NDC1: variants seen among roughly 807,000 people sequenced by gnomAD.
The protein encoded by NDC1 is NDC1 transmembrane nucleoporin.
In NDC1, 24 loss-of-function variants were observed where a neutral mutation model predicts 89.8. The observed-to-expected ratio is 0.27, with a 90% CI of 0.19 to 0.38. NDC1 has a LOEUF of 0.38. Among genes scored for constraint, NDC1 ranks in the 10% least tolerant of loss-of-function variants. The probability of loss-of-function intolerance (pLI) is 1.00; values close to 1 mark genes in which losing one functional copy is unlikely to be tolerated. For missense variants in NDC1, 728 were observed against 797.6 expected, an observed-to-expected ratio of 0.91 and a Z score of 1.05; for synonymous variants, 296 against 284.8, an observed-to-expected ratio of 1.04 and a Z score of -0.39.
At chr1:53,804,088 T>C (rs1012703225) in intron 9 of NDC1, 79 bp from the exon 10 acceptor site, 104 of 981,362 alleles carry the variant, frequency 1.1e-4, no homozygotes, top group Non-Finnish European at 1.4e-4. Flanking sequence ...TTCATCATTA[T>C]ATATCCAAGA....
At position 53,803,961 on chromosome 1, in the gene NDC1, G is replaced by C. The variant is rs1474985084; in HGVS notation, c.1033C>G (p.Arg345Gly). ...LMLLSQYSPS[R>G]RQEVFSLSQP... Reference sequence around the variant, plus strand: ...CTGAGGCTGAAAACTTCTTGTCTTCGTGAAGGAGAATATTGAGAAAGCAAC... The same window carrying C: ...CTGAGGCTGAAAACTTCTTGTCTTCCTGAAGGAGAATATTGAGAAAGCAAC... Residue 345 changes from arginine to glycine, a missense_variant, in exon 10 of 18, where the codon CGA becomes GGA. Arg to Gly is a moderately radical substitution (Grantham distance 125, BLOSUM62 -2). Transcript: ENST00000371429. 3 of 1,613,938 alleles carry C rather than the reference G, an allele frequency of 1.9e-6. No homozygotes were observed. The highest frequency in any genetic ancestry group is 1.1e-5 in the South Asian group (1 of 91,076).
At chr1:53,812,023 C>T (rs192553249) in intron 6 of NDC1, among the ~76,000 whole-genome samples, 2 of 152,110 alleles carry the variant, frequency 1.3e-5, no homozygotes, top group Non-Finnish European at 2.9e-5. Flanking sequence ...CACTGCAGTT[C>T]GGCTCACAGG....
chr1:53,810,273 A>G (rs1330634559), intron 6 of NDC1, among the ~76,000 whole-genome samples: 1 of 152,254 alleles, frequency 6.6e-6, no homozygotes, highest in African/African-American at 2.4e-5. Flanking sequence ...ACAGGAAAGT[A>G]GTGCTTGCTT....
At chr1:53,837,566 C>T (rs1362104576) in intron 1 of NDC1, among the ~76,000 whole-genome samples, 1 of 149,868 alleles carries the variant, frequency 6.7e-6, no homozygotes, top group East Asian at 1.9e-4. Flanking sequence ...AGCGAGCCTC[C>T]GGCTCAAAAA....
At position 53,796,674 on chromosome 1, in the gene NDC1, A is replaced by T. The variant is rs1397599873; in HGVS notation, c.1584+15T>A. On this transcript the variant is annotated intron_variant, in intron 13 of 17. Coordinates refer to ENST00000371429, the MANE Select transcript of NDC1 (RefSeq NM_018087.5). ...TTTACATGCAAATATAAATCCTATA[A>T]CCATATCATCCTACCTGTTCACGTT... 1.3e-6 allele frequency: 2 copies of T among 1,508,652 alleles called. No individual in the cohort carries two copies. The highest frequency in any genetic ancestry group is 3.9e-5 in the Admixed American group (2 of 51,742). The allele number at this position is 1,508,652 out of a possible 1,614,324, so 93.5% of individuals were successfully genotyped here. A position where few individuals can be genotyped will look rare whatever the true frequency, so the allele number is the denominator to read the frequency against.
intron 5 of NDC1, among the ~76,000 whole-genome samples, chr1:53,825,198 G>A (rs1017999118): frequency 2.0e-5 from 3 of 151,560 alleles, no homozygotes; most frequent in Admixed American, 6.6e-5. Context: ...AGCAGCGGCT[G>A]GGCGTGGTGG....
rs75616485 is a variant in NDC1, at chr1:53,829,603, T to A, written c.281-1430A>T. Among the ~76,000 whole-genome samples, 712 of 152,334 alleles carry A rather than the reference T, an allele frequency of 4.7e-3. 3 individuals are homozygous for A. The highest frequency in any genetic ancestry group is 0.016 in the African/African-American group (682 of 41,578). ...GATCTCTGGAGAAAGATGGGACCTATCATTTCTCTTTTCTCTCCACACAAT... is the reference window on the plus strand; with the variant it reads ...GATCTCTGGAGAAAGATGGGACCTAACATTTCTCTTTTCTCTCCACACAAT... On this transcript the variant is annotated intron_variant, in intron 3 of 17. Coordinates refer to ENST00000371429, the MANE Select transcript of NDC1 (RefSeq NM_018087.5).
chr1:53,797,087 G>A lies in NDC1; in HGVS notation c.1280C>T (p.Pro427Leu), dbSNP rs1213402668. 3 of 1,614,080 alleles carry A rather than the reference G, an allele frequency of 1.9e-6. No individual in the cohort carries two copies. Among genetic ancestry groups the A allele is most frequent in the Non-Finnish European group, 2.5e-6 (3 of 1,179,938 alleles). ...AGAAAACAGTGATGTTTTAACTAAT[G>A]GTGGCACTGAAGGCCGAGGCATCTG... is the stretch of plus-strand genomic sequence containing the variant. The part of the protein sequence containing the change: ...SSQMPRPSVP[P>L]LVKTSLFSSK... Residue 427 changes from proline (P) to leucine (L), a missense_variant, in exon 12 of 18, where the codon CCA becomes CTA. Pro to Leu is a moderately conservative substitution (Grantham distance 98, BLOSUM62 -3). Coordinates refer to ENST00000371429, the MANE Select transcript of NDC1 (RefSeq NM_018087.5).
At chr1:53,775,414 G>A (rs1171322305) in intron 16 of NDC1, among the ~76,000 whole-genome samples, 1 of 151,696 alleles carries the variant, frequency 6.6e-6, no homozygotes, top group Non-Finnish European at 1.5e-5. Flanking sequence ...CCGCAACCAC[G>A]CCCAGCTAAT....
Position 53,828,037 on chromosome 1 carries a change from C to T in NDC1, c.417G>A (p.Gln139=). The change falls in exon 4 of 18, where the codon CAG becomes CAA. Residue 139 remains glutamine, a synonymous_variant. Coordinates refer to ENST00000371429, the MANE Select transcript of NDC1 (RefSeq NM_018087.5). ...TGCAGGGAACCACAAGAAAGCTGTA[C>T]TGGCCCTGGGTTATCACTGCAGCAC... ...AWCAAVITQG[Q]YSFLVVPCTG... 8 of 1,613,420 alleles carry T rather than the reference C, an allele frequency of 5.0e-6. No homozygotes were observed. The highest frequency in any genetic ancestry group is 1.1e-5 in the South Asian group (1 of 90,866).
intron 3 of NDC1, among the ~76,000 whole-genome samples, chr1:53,831,481 T>G (rs1008376228): frequency 5.9e-5 from 9 of 151,872 alleles, no homozygotes; most frequent in Admixed American, 4.6e-4. Context: ...AAGACCATCC[T>G]GGCCAACATG....
At chr1:53,778,191 T>G (rs1647177276) in intron 16 of NDC1, among the ~76,000 whole-genome samples, 2 of 151,622 alleles carry the variant, frequency 1.3e-5, no homozygotes, top group Admixed American at 1.3e-4. Flanking sequence ...CATTAATGTA[T>G]CCGATTAAGG....
intron 17 of NDC1, among the ~76,000 whole-genome samples, chr1:53,771,390 G>A (rs995077287): frequency 2.6e-5 from 4 of 151,956 alleles, no homozygotes; most frequent in Non-Finnish European, 4.4e-5. Context: ...CTCAGTTTTC[G>A]TATCTGTACA....
At chr1:53,826,014 G>A in intron 4 of NDC1, 78 bp from the exon 5 acceptor site, 2 of 1,401,842 alleles carry the variant, frequency 1.4e-6, no homozygotes, top group Non-Finnish European at 1.9e-6. Flanking sequence ...TTTACTGAAG[G>A]CAAAGCTTAA....
intron 16 of NDC1, among the ~76,000 whole-genome samples, chr1:53,783,768 TTA>T (rs1186423990): frequency 1.3e-5 from 2 of 152,314 alleles, no homozygotes; most frequent in East Asian, 3.9e-4. Flanking sequence ...TTCTGCCATG[TTA>T]TGATTCCGCA....
At chr1:53,833,506 CT>C (rs1649133502) in intron 2 of NDC1, among the ~76,000 whole-genome samples, 1 of 152,054 alleles carries the variant, frequency 6.6e-6, no homozygotes, top group Non-Finnish European at 1.5e-5. Context: ...AAAGTTTTTT[CT>C]TAAAATATAA....
chr1:53,838,226 C>T lies in NDC1; in HGVS notation c.36G>A (p.Arg12=). ...ATAVSRPCAG[R]SRDILWRVLG... ...TCACGCGCCACAGTATGTCCCGCGACCTGCCGGCGCAGGGCCGGCTCACGG... is the reference window on the plus strand; with the variant it reads ...TCACGCGCCACAGTATGTCCCGCGATCTGCCGGCGCAGGGCCGGCTCACGG... Residue 12 remains arginine, a synonymous_variant, in exon 1 of 18, where the codon AGG becomes AGA. Coordinates refer to ENST00000371429, the MANE Select transcript of NDC1 (RefSeq NM_018087.5). 6.5e-7 allele frequency: 1 copy of T among 1,536,372 alleles called. No homozygotes were observed. Among genetic ancestry groups the T allele is most frequent in the Non-Finnish European group, 8.7e-7 (1 of 1,146,000 alleles).
Position 53,766,040 on chromosome 1 carries a change from C to A in NDC1, c.*1930G>T, listed in dbSNP as rs1006672030. 1.3e-5 allele frequency: 2 copies of A among 152,194 alleles called. No individual in the cohort carries two copies. The highest frequency in any genetic ancestry group is 4.8e-5 in the African/African-American group (2 of 41,460). 9.4% of individuals were successfully genotyped at this position (152,194 alleles called of 1,614,324 possible). On this transcript the variant is annotated 3_prime_UTR_variant, in exon 18 of 18. Transcript: ENST00000371429. ...GGGGAGGCAGTTTCCAGATCTTCAACAGGCAGACACTATGTGGCCTGTATT... is the reference window on the plus strand; with the variant it reads ...GGGGAGGCAGTTTCCAGATCTTCAAAAGGCAGACACTATGTGGCCTGTATT...
At chr1:53,791,445 A>AG (rs1164340317) in intron 14 of NDC1, among the ~76,000 whole-genome samples, 1 of 152,098 alleles carries the variant, frequency 6.6e-6, no homozygotes, top group Non-Finnish European at 1.5e-5. Context: ...GAAAAAAAAA[A>AG]AAAAAAAGAT....
Sources: gnomAD v4.1 joint callset for allele counts (sites outside exome capture counted in the v4.1 genomes callset) on GRCh38, gnomAD v4.1.1 for gene constraint, MANE v1.5 for transcripts, NCBI Gene and HGNC (gene_info 2026-07-23, HGNC 2026-07-21) for gene names.